The following PCDHA3 variants were observed in gnomAD, a reference collection of about 807,000 sequenced individuals.
PCDHA3 encodes the protein protocadherin alpha 3, also known as protocadherin alpha-3.
PCDHA3 carries 41 observed loss-of-function variants against 62.2 expected under a neutral mutation model. The ratio of observed to expected loss-of-function variants is 0.66; its 90% CI spans 0.51 to 0.86. The LOEUF (loss-of-function observed/expected upper bound fraction) is 0.86. PCDHA3 is among the 40% of genes least tolerant of loss of function. The probability of loss-of-function intolerance (pLI) is 0.00; values close to 1 mark genes in which losing one functional copy is unlikely to be tolerated. For missense variants in PCDHA3, 1,304 were observed against 1,241.2 expected, an observed-to-expected ratio of 1.05 and a Z score of -0.76; for synonymous variants, 640 against 555.4, an observed-to-expected ratio of 1.15 and a Z score of -2.14.
rs2150126573 is a variant in PCDHA3 at position 140,823,520 on chromosome 5, G to A, written c.2394+19929G>A. 10 of 1,613,572 alleles carry A rather than the reference G, an allele frequency of 6.2e-6. No homozygotes were observed. The East Asian group carries it at 2.2e-4, about 36-fold the overall frequency. On this transcript the variant is annotated intron_variant, in intron 1 of 3. Coordinates refer to ENST00000522353, the MANE Select transcript of PCDHA3 (RefSeq NM_018906.3). Reference sequence around the variant, plus strand: ...GGCGCAGTGAGCGAGCTGGTGCCGAGGTCAGTGGGTGCGGGCCACGTGGTG... The same window carrying A: ...GGCGCAGTGAGCGAGCTGGTGCCGAAGTCAGTGGGTGCGGGCCACGTGGTG...
rs782368455 is a variant in PCDHA3, at chr5:140,801,268, C to G, written c.71C>G (p.Ser24Trp). The G allele has an allele frequency of 2.5e-5, 40 of 1,613,606 alleles. No individual in the cohort carries two copies. Among genetic ancestry groups the G allele is most frequent in the Non-Finnish European group, 2.7e-5 (32 of 1,179,902 alleles). ...CTTTCTCTTCTGCTCCTCGCAGCCT[C>G]GGAGGTGGGGAGCGGCCAGCTCCAC... ...LLLSLLLLAA[S>W]EVGSGQLHYS... Residue 24 changes from serine to tryptophan, a missense_variant, in exon 1 of 4, where the codon TCG (serine) becomes TGG (tryptophan). Coordinates refer to ENST00000522353, the MANE Select transcript of PCDHA3 (RefSeq NM_018906.3).
rs200722492 is a variant in PCDHA3, at chr5:140,856,425, A to T, written c.2394+52834A>T. ...GTGGACGTGGAAGTGAAGGACATTAACGACAACCCGCCCAGGTTCTCCGTA... is the reference window on the plus strand; with the variant it reads ...GTGGACGTGGAAGTGAAGGACATTATCGACAACCCGCCCAGGTTCTCCGTA... On this transcript the variant is annotated intron_variant, in intron 1 of 3. Transcript: ENST00000522353. The T allele has an allele frequency of 2.3e-5, 37 of 1,598,204 alleles. 1 individual carries two copies. The highest frequency in any genetic ancestry group is 1.9e-4 in the Admixed American group (11 of 59,214).
chr5:140,902,127 C>G (rs2069118126), intron 1 of PCDHA3, among the ~76,000 whole-genome samples: 1 of 150,418 alleles, frequency 6.6e-6, no homozygotes, highest in African/African-American at 2.4e-5. Context: ...GAGATTATAT[C>G]ATCTGCAAAC....
intron 1 of PCDHA3, chr5:140,870,022 T>G (rs1554163715): frequency 6.2e-7 from 1 of 1,613,310 alleles, no homozygotes; most frequent in Admixed American, 1.7e-5. Context: ...CAATGGAACT[T>G]TAGATTATGA....
At chr5:140,969,450 G>A (rs1554231822) in intron 1 of PCDHA3, 4 of 1,511,552 alleles carry the variant, frequency 2.6e-6, no homozygotes, top group Non-Finnish European at 3.6e-6. Flanking sequence ...GGTAAACTGA[G>A]TATATATAGT....
chr5:140,895,225 G>A (rs1472993401), intron 1 of PCDHA3, among the ~76,000 whole-genome samples: 1 of 152,050 alleles, frequency 6.6e-6, no homozygotes, highest in African/African-American at 2.4e-5. Flanking sequence ...ATTTTACTGA[G>A]TTTTCTCATC....
chr5:140,947,938 A>G (rs2094195228), intron 1 of PCDHA3, among the ~76,000 whole-genome samples: 1 of 151,536 alleles, frequency 6.6e-6, no homozygotes, highest in African/African-American at 2.4e-5. Context: ...CTTATGAGAA[A>G]AGTGTTCCAT....
At chr5:140,850,364 C>T in intron 1 of PCDHA3, 1 of 1,597,830 alleles carries the variant, frequency 6.3e-7, no homozygotes, top group Non-Finnish European at 8.6e-7. Flanking sequence ...TCCCGTTCCG[C>T]GTGGGGCTGT....
chr5:140,960,188 G>A (rs1371016387), intron 1 of PCDHA3, among the ~76,000 whole-genome samples: 7 of 152,132 alleles, frequency 4.6e-5, no homozygotes, highest in Non-Finnish European at 7.4e-5. Flanking sequence ...GGTTGCATGT[G>A]TAGTGGTCAG....
chr5:140,906,680 C>T (rs2072848945), intron 1 of PCDHA3, among the ~76,000 whole-genome samples: 2 of 152,166 alleles, frequency 1.3e-5, no homozygotes, highest in Admixed American at 6.5e-5. Context: ...AACCTTCATT[C>T]CTGAAGGATC....
At chr5:140,871,662 A>G in intron 1 of PCDHA3, 1 of 1,211,512 alleles carries the variant, frequency 8.3e-7, no homozygotes, top group Non-Finnish European at 1.1e-6. Context: ...ACACATCTTC[A>G]GTCTTTTAAT....
rs2150529065 is a variant in PCDHA3, at chr5:140,853,159, G to A, written c.2394+49568G>A. On this transcript the variant is annotated intron_variant, in intron 1 of 3. Coordinates refer to ENST00000522353, the MANE Select transcript of PCDHA3 (RefSeq NM_018906.3). ...CTCCCAAAATGCTGGGATTACAGGC[G>A]TGAGCCACCGCGCCTGGCCTAAAAT... is the stretch of plus-strand genomic sequence containing the variant. The A allele has an allele frequency of 3.8e-5, 35 of 925,908 alleles. 4 individuals are homozygous for A. In the African/African-American group the frequency reaches 3.9e-4, roughly 10 times the overall value. 57.4% of individuals were successfully genotyped at this position (925,908 alleles called of 1,614,324 possible).
At chr5:141,007,891 T>G (rs2098350311) in intron 3 of PCDHA3, among the ~76,000 whole-genome samples, 1 of 152,232 alleles carries the variant, frequency 6.6e-6, no homozygotes, top group Admixed American at 6.5e-5. Flanking sequence ...CTTTAAAAAT[T>G]TATTGTTCTT....
At chr5:140,835,557 C>G (rs2150238146) in intron 1 of PCDHA3, 4 of 1,613,818 alleles carry the variant, frequency 2.5e-6, no homozygotes, top group Non-Finnish European at 3.4e-6. Context: ...CCTGACGCCC[C>G]GCGTTCCCTT....
intron 1 of PCDHA3, among the ~76,000 whole-genome samples, chr5:140,893,506 A>G (rs2064024014): frequency 1.3e-5 from 2 of 152,170 alleles, no homozygotes; most frequent in African/African-American, 4.8e-5. Flanking sequence ...AGAAAAAAAA[A>G]GCAGTTGTAG....
At chr5:140,871,215 C>T (rs782542021) in intron 1 of PCDHA3, 2 of 1,613,854 alleles carry the variant, frequency 1.2e-6, no homozygotes, top group Non-Finnish European at 1.7e-6. Flanking sequence ...TCGCCATCTG[C>T]GTGGTGTCCA....
intron 1 of PCDHA3, chr5:140,835,699 C>T: frequency 1.9e-6 from 3 of 1,613,916 alleles, no homozygotes; most frequent in African/African-American, 2.7e-5. Context: ...TGGGCCACTG[C>T]TAGCGTGTCC....
At chr5:140,844,657 C>A (rs1252310311) in intron 1 of PCDHA3, among the ~76,000 whole-genome samples, 1 of 149,150 alleles carries the variant, frequency 6.7e-6, no homozygotes, top group Non-Finnish European at 1.5e-5. Context: ...TCTTGCAAAC[C>A]AAACATATAA....
At chr5:140,825,403 T>C (rs1186037363) in intron 1 of PCDHA3, 1 of 146,224 alleles carries the variant, frequency 6.8e-6, no homozygotes, top group South Asian at 2.1e-4. Context: ...TAATATATTA[T>C]ATATTTTATA....
Sources: allele counts gnomAD v4.1 joint callset (sites outside exome capture counted in the v4.1 genomes callset), GRCh38; gene constraint gnomAD v4.1.1; transcripts MANE v1.5; gene names NCBI Gene and HGNC (gene_info 2026-07-23, HGNC 2026-07-21).